Variants in AKAP13 observed in about 807,000 individuals in gnomAD.
AKAP13 encodes A-kinase anchoring protein 13.
Under a neutral mutation model 264.5 loss-of-function variants are expected in AKAP13, and 80 were observed. The ratio of observed to expected loss-of-function variants is 0.30; its 90% CI spans 0.25 to 0.36. AKAP13 has a LOEUF of 0.36. Ranked by LOEUF, AKAP13 falls within the 10% of genes least tolerant of loss-of-function variation. The pLI, the probability that AKAP13 is intolerant of heterozygous loss-of-function variation, is 1.00. For missense variants in AKAP13, 3,712 were observed against 3,435.2 expected (o/e 1.08, Z -2.01); for synonymous variants, 1,380 against 1,250.2 (o/e 1.10, Z -2.19).
chr15:85,741,125 C>G lies in AKAP13; in HGVS notation c.7688C>G (p.Ser2563Cys). The G allele has an allele frequency of 1.2e-6, 2 of 1,613,644 alleles. No homozygotes were observed. Among genetic ancestry groups the G allele is most frequent in the Middle Eastern group, 1.7e-4 (1 of 5,940 alleles). The change falls in exon 35 of 37, where the codon TCC becomes TGC. Residue 2563 changes from serine (S) to cysteine (C), a missense_variant. Physicochemically the swap from Ser to Cys is moderately radical, Grantham distance 112. This residue lies in a region of AKAP13 where 611 missense variants were observed against 539.3 expected (regional missense o/e 1.13). Transcript: ENST00000394518. ...LSERALTRSL[S>C]RPSSLIEQEK... Reference sequence around the variant, plus strand: ...GAGAGGGCGCTCACTCGCAGCTTGTCCCGCCCGAGCTCCCTCATTGAGCAG... The same window carrying G: ...GAGAGGGCGCTCACTCGCAGCTTGTGCCGCCCGAGCTCCCTCATTGAGCAG...
At chr15:85,738,395 C>G (rs1258620331) in intron 33 of AKAP13, among the ~76,000 whole-genome samples, 1 of 144,382 alleles carries the variant, frequency 6.9e-6, no homozygotes, top group East Asian at 2.0e-4. Flanking sequence ...GTATCCATCT[C>G]AAAAAAAAAA....
At chr15:85,592,000 A>G (rs1056327236) in intron 8 of AKAP13, among the ~76,000 whole-genome samples, 2 of 151,606 alleles carry the variant, frequency 1.3e-5, no homozygotes, top group Non-Finnish European at 1.5e-5. Context: ...TCTTTATTTA[A>G]CATACCTTCC....
At chr15:85,595,089 G>GT (rs951398011) in intron 8 of AKAP13, among the ~76,000 whole-genome samples, 25 of 151,772 alleles carry the variant, frequency 1.6e-4, no homozygotes, top group South Asian at 2.1e-4. Flanking sequence ...AATTTGGAGG[G>GT]TTTTTTTTGT....
chr15:85,533,722 C>G lies in AKAP13; in HGVS notation c.320C>G (p.Ala107Gly). The G allele has an allele frequency of 6.2e-7, 1 of 1,614,188 alleles. No homozygotes were observed. Among genetic ancestry groups the G allele is most frequent in the Non-Finnish European group, 8.5e-7 (1 of 1,180,032 alleles). Residue 107 changes from alanine to glycine, a missense_variant, in exon 4 of 37, where the codon GCT becomes GGT. By Grantham distance (60) the Ala-to-Gly change is moderately conservative (BLOSUM62 0). Around this residue, in one of 3 missense-constraint regions of AKAP13, gnomAD observed 2,759 missense variants for 2,411.7 expected, o/e 1.14. Transcript: ENST00000394518. ...GCAGCTCAATTCCTAGCAACCAGTGCTGGAAATCAGCAGGCTTTGAACTTT... is the reference window on the plus strand; with the variant it reads ...GCAGCTCAATTCCTAGCAACCAGTGGTGGAAATCAGCAGGCTTTGAACTTT... ...YDAAQFLATSAGNQQALNFTR... is the reference protein window; with the variant it reads ...YDAAQFLATSGGNQQALNFTR...
At chr15:85,667,563 C>G (rs905270541) in intron 13 of AKAP13, among the ~76,000 whole-genome samples, 7 of 152,118 alleles carry the variant, frequency 4.6e-5, no homozygotes, top group Non-Finnish European at 1.0e-4. Flanking sequence ...TTATAGAATC[C>G]TTTGGAAATC....
At chr15:85,578,318 CT>C (rs1456232800) in intron 6 of AKAP13, among the ~76,000 whole-genome samples, 2 of 152,134 alleles carry the variant, frequency 1.3e-5, no homozygotes, top group African/African-American at 4.8e-5. Flanking sequence ...ATTCACTGAG[CT>C]TTTTAAAAAT....
intron 6 of AKAP13, 70 bp from the exon 7 acceptor site, chr15:85,578,860 T>C: frequency 6.8e-7 from 1 of 1,460,838 alleles, no homozygotes; most frequent in Non-Finnish European, 9.4e-7. Flanking sequence ...AACAGAATTT[T>C]TGCTCAGAGG....
chr15:85,638,066 A>G (rs1185846542), intron 8 of AKAP13, among the ~76,000 whole-genome samples: 2 of 137,862 alleles, frequency 1.5e-5, no homozygotes, highest in East Asian at 4.4e-4. Context: ...TTTTTTTTTT[A>G]GTAGAGACAG....
chr15:85,562,424 G>C (rs189540085), intron 5 of AKAP13, among the ~76,000 whole-genome samples: 1 of 151,192 alleles, frequency 6.6e-6, no homozygotes, highest in African/African-American at 2.4e-5. Context: ...AATTAGCTGG[G>C]CGTGGTGGCA....
At chr15:85,671,060 A>G (rs1035098988) in intron 14 of AKAP13, 1 of 151,968 alleles carries the variant, frequency 6.6e-6, no homozygotes, top group Non-Finnish European at 1.5e-5. Context: ...GTGATACATT[A>G]TGTTCTTTGC....
At chr15:85,548,101 A>G (rs2077819758) in intron 5 of AKAP13, among the ~76,000 whole-genome samples, 1 of 152,170 alleles carries the variant, frequency 6.6e-6, no homozygotes. Context: ...CACACATCTC[A>G]AAGTAGAAAT....
At chr15:85,562,426 G>A (rs377549503) in intron 5 of AKAP13, among the ~76,000 whole-genome samples, 5 of 151,138 alleles carry the variant, frequency 3.3e-5, no homozygotes, top group East Asian at 4.0e-4. Flanking sequence ...TTAGCTGGGC[G>A]TGGTGGCAAG....
At chr15:85,463,483 G>A (rs908177982) in intron 1 of AKAP13, among the ~76,000 whole-genome samples, 1 of 152,170 alleles carries the variant, frequency 6.6e-6, no homozygotes, top group Admixed American at 6.5e-5. Flanking sequence ...ACACTGTTAT[G>A]AGATCACTAG....
Position 85,708,108 on chromosome 15 carries a change from A to C in AKAP13, c.5532+22A>C. 1 of 1,612,238 alleles carries C rather than the reference A, an allele frequency of 6.2e-7. No individual in the cohort carries two copies. The highest frequency in any genetic ancestry group is 8.5e-7 in the Non-Finnish European group (1 of 1,178,900). On this transcript the variant is annotated intron_variant, in intron 18 of 36. Coordinates refer to ENST00000394518, the MANE Select transcript of AKAP13 (RefSeq NM_007200.5). The surrounding 1 kb of genome is among the most constrained non-coding windows in gnomAD (Gnocchi z 4.3). The stretch of plus-strand genomic sequence containing the variant: ...GAAGGTAAGACTTTCTGGCTAAAAC[A>C]AGGCTTAAAATAAAAGGGTTTAAAC...
At chr15:85,694,381 G>T (rs563987519) in intron 17 of AKAP13, among the ~76,000 whole-genome samples, 4 of 152,336 alleles carry the variant, frequency 2.6e-5, no homozygotes, top group Admixed American at 6.5e-5. Context: ...CATGGTCTCT[G>T]TCACAATTCT....
At chr15:85,563,764 A>G (rs912905120) in intron 5 of AKAP13, among the ~76,000 whole-genome samples, 1 of 152,210 alleles carries the variant, frequency 6.6e-6, no homozygotes, top group Non-Finnish European at 1.5e-5. Flanking sequence ...TTGACTGCCT[A>G]CTGTGTGCCA....
chr15:85,640,917 T>C (rs934975130), intron 9 of AKAP13, among the ~76,000 whole-genome samples: 3 of 152,310 alleles, frequency 2.0e-5, no homozygotes, highest in Admixed American at 6.5e-5. Flanking sequence ...TTGAATTCTG[T>C]AGACCTACTG....
intron 8 of AKAP13, among the ~76,000 whole-genome samples, chr15:85,629,594 A>G (rs75720828): frequency 0.019 from 2,938 of 152,208 alleles, 81 homozygotes; most frequent in African/African-American, 0.067. Flanking sequence ...TAAATACAAT[A>G]TAGTTCATCT....
Position 85,533,780 on chromosome 15 carries a change from T to C in AKAP13, c.378T>C (p.Ser126=), listed in dbSNP as rs2077309729. The stretch of plus-strand genomic sequence containing the variant: ...TTCTTGACCAGTCAGGACCCCCATC[T>C]GGGGATGTGAATTCCCTTGATAAGA... ...TRFLDQSGPP[S]GDVNSLDKKL... Residue 126 remains serine (S), a synonymous_variant, in exon 4 of 37, where the codon TCT becomes TCC. Transcript: ENST00000394518. 4 of 1,613,808 alleles carry C rather than the reference T, an allele frequency of 2.5e-6. No individual in the cohort carries two copies. Among genetic ancestry groups the C allele is most frequent in the East Asian group, 4.5e-5 (2 of 44,900 alleles).
Sources: gnomAD v4.1 joint callset for allele counts (sites outside exome capture counted in the v4.1 genomes callset) on GRCh38, gnomAD v4.1.1 for gene constraint, gnomAD v4.1.1 regional missense constraint, Gnocchi (gnomAD v3.1) non-coding constraint, MANE v1.5 for transcripts, NCBI Gene and HGNC (gene_info 2026-07-23, HGNC 2026-07-21) for gene names.